The following EPHB4 variants were observed in gnomAD, a reference collection of about 807,000 sequenced individuals.
EPHB4 encodes EPH receptor B4, also known as ephrin type-B receptor 4.
A neutral mutation model predicts 110.6 loss-of-function variants in EPHB4; 50 were observed. The ratio of observed to expected loss-of-function variants is 0.45; its 90% CI spans 0.36 to 0.57. The LOEUF is 0.57. EPHB4 is among the 20% of genes least tolerant of loss of function. The pLI, the probability that EPHB4 is intolerant of heterozygous loss-of-function variation, is 0.00. For synonymous variants in EPHB4, 592 were observed against 578.4 expected, an observed-to-expected ratio of 1.02 and a Z score of -0.34; for missense variants, 1,128 against 1,382.1, an observed-to-expected ratio of 0.82 and a Z score of 2.91.
At chr7:100,823,292 C>T (rs1437404715) in intron 3 of EPHB4, among the ~76,000 whole-genome samples, 1 of 151,994 alleles carries the variant, frequency 6.6e-6, no homozygotes, top group Admixed American at 6.6e-5. Context: ...AGAGAGGCCC[C>T]CAGGTGGAGA....
intron 8 of EPHB4, 32 bp from the exon 9 acceptor site, chr7:100,814,053 A>G (rs1157674783): frequency 6.2e-7 from 1 of 1,610,486 alleles, no homozygotes; most frequent in East Asian, 2.2e-5. Context: ...ATCAGGAGAA[A>G]CTGATGGTCC....
chr7:100,812,140 C>A (rs1812949468), intron 12 of EPHB4, among the ~76,000 whole-genome samples: 1 of 151,368 alleles, frequency 6.6e-6, no homozygotes, highest in African/African-American at 2.4e-5. Flanking sequence ...CCATTGCACT[C>A]CGGCCTGGGC....
chr7:100,820,046 G>T, intron 5 of EPHB4, 95 bp downstream of exon 5: 1 of 1,537,212 alleles, frequency 6.5e-7, no homozygotes, highest in Non-Finnish European at 8.8e-7. Context: ...GGGACAAAGG[G>T]AAGAAGCCCA....
At position 100,806,478 on chromosome 7, in the gene EPHB4, A is replaced by C. The variant is rs1361242203; in HGVS notation, c.2426T>G (p.Val809Gly). ...SASDAWSYGIVMWEVMSFGER... is the reference protein window; with the variant it reads ...SASDAWSYGIGMWEVMSFGER... Reference sequence around the variant, plus strand: ...CCCAAATGACATCACCTCCCACATCACAATCCCGTAACTCCAGGCATCACT... The same window carrying C: ...CCCAAATGACATCACCTCCCACATCCCAATCCCGTAACTCCAGGCATCACT... Residue 809 changes from valine (V) to glycine (G), a missense_variant, in exon 14 of 17, where the codon GTG becomes GGG. Val to Gly is a moderately radical substitution (Grantham distance 109). This residue lies in a region of EPHB4 where 191 missense variants were observed against 313.0 expected (regional missense o/e 0.61). Transcript: ENST00000358173. 1 of 1,613,782 alleles carries C rather than the reference A, an allele frequency of 6.2e-7. No homozygotes were observed. Among genetic ancestry groups the C allele is most frequent in the Non-Finnish European group, 8.5e-7 (1 of 1,179,970 alleles).
chr7:100,817,581 C>T (rs1385062141), intron 7 of EPHB4, among the ~76,000 whole-genome samples: 2 of 152,148 alleles, frequency 1.3e-5, no homozygotes, highest in African/African-American at 2.4e-5. Flanking sequence ...ATGGTGCAAA[C>T]ACGACTCACT....
chr7:100,810,250 AAAAC>A lies in EPHB4; in HGVS notation c.2118+2493_2118+2496del, dbSNP rs934203364. On this transcript the variant is annotated intron_variant, in intron 12 of 16. Transcript: ENST00000358173. ...GGGCGACAGCAGGACTCCATCTCAAAAAACAAACAAACAAAACCAAAAAAACCCC... is the reference window on the plus strand; with the variant it reads ...GGGCGACAGCAGGACTCCATCTCAAAAAACAAACAAAACCAAAAAAACCCC... Among the ~76,000 whole-genome samples the A allele has an allele frequency of 3.3e-5, 5 of 151,990 alleles. 1 individual carries two copies. The highest frequency in any genetic ancestry group is 7.4e-5 in the Non-Finnish European group (5 of 67,998).
rs371690893 is a variant in EPHB4 at position 100,823,808 on chromosome 7, C to T, written c.247G>A (p.Ala83Thr). The change falls in exon 3 of 17, where the codon GCC becomes ACC. Residue 83 changes from alanine (A) to threonine (T), a missense_variant. Coordinates refer to ENST00000358173, the MANE Select transcript of EPHB4 (RefSeq NM_004444.5). ...CGCAGCGTGGCGTACACGTGGACGG[C>T]GCCCCGCCGTGGGACCCAACCTGTG... is the stretch of plus-strand genomic sequence containing the variant. ...LRTGWVPRRG[A>T]VHVYATLRFT... 2.3e-5 allele frequency: 37 copies of T among 1,612,988 alleles called. No homozygotes were observed. The highest frequency in any genetic ancestry group is 2.9e-5 in the Non-Finnish European group (34 of 1,179,908).
chr7:100,824,533 G>C (rs1378666684), intron 1 of EPHB4: 5 of 501,224 alleles, frequency 1.0e-5, no homozygotes, highest in Non-Finnish European at 1.8e-5. Flanking sequence ...GGAGGAGGGA[G>C]GGAGATCAAA....
Position 100,803,456 on chromosome 7 carries a change from G to A in EPHB4, c.*5C>T, listed in dbSNP as rs545342926. 67 of 1,548,184 alleles carry A rather than the reference G, an allele frequency of 4.3e-5. No homozygotes were observed. The South Asian group carries it at 7.7e-4, about 18-fold the overall frequency. On this transcript the variant is annotated 3_prime_UTR_variant, in exon 17 of 17. Transcript: ENST00000358173. The stretch of plus-strand genomic sequence containing the variant: ...GGTGTCCCTGGGGTGGGGAGTTCCT[G>A]CAGGTCAGTACTGCGGGGCCGGTCC...
chr7:100,818,410 C>T, intron 7 of EPHB4, 110 bp downstream of exon 7: 1 of 1,522,238 alleles, frequency 6.6e-7, no homozygotes, highest in Non-Finnish European at 8.9e-7. Flanking sequence ...CCAGGGAATC[C>T]ATGGCAGAGC....
rs1813318962 is a variant in EPHB4, at chr7:100,824,337, TC to T, written c.53-65del. ...GGGGAGGGAGGTCAGGAAGACCAGA[TC>T]CCTGGGAACCGAGGCAGGTGGATCC... is the stretch of plus-strand genomic sequence containing the variant. On this transcript the variant is annotated intron_variant, in intron 1 of 16. Transcript: ENST00000358173. 6.5e-5 allele frequency: 101 copies of T among 1,564,858 alleles called. No individual in the cohort carries two copies. In the South Asian group the frequency reaches 1.0e-3, roughly 16 times the overall value.
At chr7:100,820,036 G>A in intron 5 of EPHB4, 105 bp downstream of exon 5, 3 of 1,524,026 alleles carry the variant, frequency 2.0e-6, no homozygotes, top group Non-Finnish European at 1.8e-6. Flanking sequence ...AAGCATGCCA[G>A]GGACAAAGGG....
At chr7:100,824,614 C>G (rs1321400184) in intron 1 of EPHB4, 1 of 241,026 alleles carries the variant, frequency 4.1e-6, no homozygotes, top group African/African-American at 2.2e-5. Flanking sequence ...CTGACCCCCA[C>G]GAGCAGAGGC....
intron 11 of EPHB4, 46 bp downstream of exon 11, chr7:100,813,049 C>CA: frequency 6.2e-7 from 1 of 1,612,502 alleles, no homozygotes; most frequent in African/African-American, 1.3e-5. Context: ...TGGCCCTGCC[C>CA]ACCCCCGCTT....
chr7:100,808,031 C>G (rs372731664), intron 12 of EPHB4, among the ~76,000 whole-genome samples: 6 of 152,212 alleles, frequency 3.9e-5, no homozygotes, highest in African/African-American at 7.2e-5. Context: ...TTCCTCCTTT[C>G]TCTTTTCCCA....
intron 1 of EPHB4, 85 bp downstream of exon 1, chr7:100,826,894 G>C: frequency 2.7e-6 from 4 of 1,476,404 alleles, no homozygotes; most frequent in Non-Finnish European, 3.7e-6. Flanking sequence ...GTAGTCAGAG[G>C]CCGGCCCCTC....
Position 100,822,553 on chromosome 7 carries a change from G to C in EPHB4, c.526C>G (p.Leu176Val). 1.9e-6 allele frequency: 3 copies of C among 1,613,256 alleles called. No homozygotes were observed. The highest frequency in any genetic ancestry group is 1.3e-5 in the African/African-American group (1 of 75,058). Residue 176 changes from leucine to valine, a missense_variant, in exon 4 of 17, where the codon CTG becomes GTG. Around this residue, in one of 3 missense-constraint regions of EPHB4, gnomAD observed 728 missense variants for 828.6 expected, o/e 0.88. Transcript: ENST00000358173. The surrounding 1 kb of genome is among the most constrained non-coding windows in gnomAD (Gnocchi z 4.7). ...CAGGCACCCTGGTCCTGGAAGGCCAGGTAGAAGCCAGCCTTGCTGAGCGGT... is the reference window on the plus strand; with the variant it reads ...CAGGCACCCTGGTCCTGGAAGGCCACGTAGAAGCCAGCCTTGCTGAGCGGT... ...LGPLSKAGFY[L>V]AFQDQGACMA...
In EPHB4 at chr7:100,802,612, G is replaced by A. The variant is rs1394353912; in HGVS notation, c.*849C>T. 6.6e-6 allele frequency: 1 copy of A among 152,124 alleles called. No homozygotes were observed. The highest frequency in any genetic ancestry group is 2.4e-5 in the African/African-American group (1 of 41,406). The allele number at this position is 152,124 out of a possible 1,614,324, so 9.4% of individuals were successfully genotyped here. A position where few individuals can be genotyped will look rare whatever the true frequency, so the allele number is the denominator to read the frequency against. On this transcript the variant is annotated 3_prime_UTR_variant, in exon 17 of 17. Coordinates refer to ENST00000358173, the MANE Select transcript of EPHB4 (RefSeq NM_004444.5). Reference sequence around the variant, plus strand: ...CCATTTTCTTTTATTTATACAAAAAGTTACTTTTTTAAATATAATTTAAGA... The same window carrying A: ...CCATTTTCTTTTATTTATACAAAAAATTACTTTTTTAAATATAATTTAAGA...
Position 100,805,691 on chromosome 7 carries a change from T to A in EPHB4, c.2488A>T (p.Ile830Phe). The A allele has an allele frequency of 6.8e-7, 1 of 1,480,128 alleles. No homozygotes were observed. The highest frequency in any genetic ancestry group is 9.0e-7 in the Non-Finnish European group (1 of 1,116,228). The allele number at this position is 1,480,128 out of a possible 1,614,324, so 91.7% of individuals were successfully genotyped here. The change falls in exon 15 of 17, where the codon ATC becomes TTC. Residue 830 changes from isoleucine (I) to phenylalanine (F), a missense_variant. Ile to Phe is a conservative substitution (Grantham distance 21). This residue lies in a region of EPHB4 where 209 missense variants were observed against 240.5 expected (regional missense o/e 0.87). Transcript: ENST00000358173. ...CGGTAGTCCTGTTCAATGGCATTGA[T>A]CACCTGGAAAGAGGGGAAGAAGCTC... is the stretch of plus-strand genomic sequence containing the variant. ...PYWDMSNQDV[I>F]NAIEQDYRLP... is the part of the protein sequence containing the mutation.
Sources: gnomAD v4.1 joint callset for allele counts (sites outside exome capture counted in the v4.1 genomes callset) on GRCh38, gnomAD v4.1.1 for gene constraint, gnomAD v4.1.1 regional missense constraint, Gnocchi (gnomAD v3.1) non-coding constraint, MANE v1.5 for transcripts, NCBI Gene and HGNC (gene_info 2026-07-23, HGNC 2026-07-21) for gene names.